The following FHIT variants were observed in gnomAD, a reference collection of about 807,000 sequenced individuals.
The protein encoded by FHIT is fragile histidine triad diadenosine triphosphatase.
In FHIT, 19 loss-of-function variants were observed where a neutral mutation model predicts 17.9. That is an observed-to-expected ratio of 1.06 (90% CI 0.74 to 1.56). The LOEUF (loss-of-function observed/expected upper bound fraction) is 1.56, where lower values mean the gene tolerates loss of function less well. Among genes scored for constraint, FHIT ranks in the 40% most tolerant of loss-of-function variants. The probability of loss-of-function intolerance (pLI) is 0.00; values close to 1 mark genes in which losing one functional copy is unlikely to be tolerated. For missense variants in FHIT, 248 were observed against 189.2 expected (o/e 1.31, Z -1.82); for synonymous variants, 81 against 69.7 (o/e 1.16, Z -0.81).
At chr3:60,745,491 T>C (rs2042337814) in intron 4 of FHIT, among the ~76,000 whole-genome samples, 1 of 152,192 alleles carries the variant, frequency 6.6e-6, no homozygotes, top group Non-Finnish European at 1.5e-5. Context: ...TATTTAAAGA[T>C]GTTTAAGCAG....
intron 4 of FHIT, among the ~76,000 whole-genome samples, chr3:60,579,311 A>G (rs1194723558): frequency 1.3e-5 from 2 of 152,212 alleles, no homozygotes; most frequent in South Asian, 2.1e-4. Flanking sequence ...AATACTGTAG[A>G]TAACTGTAAC....
At chr3:61,181,655 A>C (rs2038347247) in intron 2 of FHIT, among the ~76,000 whole-genome samples, 1 of 152,138 alleles carries the variant, frequency 6.6e-6, no homozygotes, top group African/African-American at 2.4e-5. Context: ...AAGACCAAAA[A>C]AATCTACCAT....
chr3:59,818,833 G>A (rs1229398837), intron 8 of FHIT, among the ~76,000 whole-genome samples: 1 of 152,142 alleles, frequency 6.6e-6, no homozygotes, highest in Non-Finnish European at 1.5e-5. Flanking sequence ...TCTTCCCCAA[G>A]GCAAAGGCAC....
chr3:61,161,219 T>C (rs1203413536), intron 2 of FHIT, among the ~76,000 whole-genome samples: 3 of 151,962 alleles, frequency 2.0e-5, no homozygotes, highest in Non-Finnish European at 4.4e-5. Context: ...TTTTTTTTTT[T>C]TTAGATGGAG....
intron 5 of FHIT, among the ~76,000 whole-genome samples, chr3:60,257,191 C>T (rs1315500709): frequency 6.6e-6 from 1 of 152,176 alleles, no homozygotes; most frequent in Admixed American, 6.5e-5. Flanking sequence ...ATCTTTAACA[C>T]AGGTTCATTT....
Position 59,857,582 on chromosome 3 carries a change from C to T in FHIT, c.348+64764G>A, listed in dbSNP as rs138783173. Among the ~76,000 whole-genome samples, 795 of 152,056 alleles carry T rather than the reference C, an allele frequency of 5.2e-3. 4 individuals carry two copies. Among genetic ancestry groups the T allele is most frequent in the Non-Finnish European group, 7.1e-3 (485 of 68,008 alleles). On this transcript the variant is annotated intron_variant, in intron 8 of 9. Transcript: ENST00000492590. ...TCTTTCCCTAGAGAAACTTACATAT[C>T]GATTAGACAGGGAGGCCTAACAAAG... is the stretch of plus-strand genomic sequence containing the variant.
chr3:60,340,372 GAAGT>G (rs1004459663), intron 5 of FHIT, among the ~76,000 whole-genome samples: 2 of 152,160 alleles, frequency 1.3e-5, no homozygotes, highest in Non-Finnish European at 1.5e-5. Flanking sequence ...AACCGAATTA[GAAGT>G]AAGTGGTACA....
chr3:60,422,195 G>T (rs375628448), intron 5 of FHIT, among the ~76,000 whole-genome samples: 1 of 152,058 alleles, frequency 6.6e-6, no homozygotes, highest in East Asian at 1.9e-4. Context: ...TTGCTTTATC[G>T]TATGTCCCAA....
intron 1 of FHIT, among the ~76,000 whole-genome samples, chr3:61,205,270 C>T (rs1307444856): frequency 3.3e-5 from 5 of 151,936 alleles, no homozygotes; most frequent in African/African-American, 4.8e-5. Context: ...TGAATAGTGC[C>T]ACAATAAACA....
intron 5 of FHIT, among the ~76,000 whole-genome samples, chr3:60,180,362 CAT>C (rs1204779731): frequency 6.6e-6 from 1 of 152,158 alleles, no homozygotes; most frequent in Non-Finnish European, 1.5e-5. Flanking sequence ...ATCATTAAAA[CAT>C]AACAGGATGG....
intron 7 of FHIT, among the ~76,000 whole-genome samples, chr3:59,983,155 C>A (rs932592589): frequency 1.4e-4 from 22 of 151,878 alleles, no homozygotes; most frequent in Non-Finnish European, 2.5e-4. Context: ...CCCAGGCTGG[C>A]CTCAAACTCC....
chr3:61,064,899 C>A (rs2034549368), intron 2 of FHIT, among the ~76,000 whole-genome samples: 2 of 152,182 alleles, frequency 1.3e-5, no homozygotes, highest in South Asian at 4.1e-4. Context: ...ACACTTCCAT[C>A]CAGCAAAGGT....
At chr3:60,185,030 C>T (rs577765375) in intron 5 of FHIT, among the ~76,000 whole-genome samples, 18 of 152,224 alleles carry the variant, frequency 1.2e-4, no homozygotes, top group Admixed American at 4.6e-4. Flanking sequence ...GCTCCAGGCT[C>T]ATCATGTATA....
chr3:60,282,595 T>C (rs1272558621), intron 5 of FHIT, among the ~76,000 whole-genome samples: 1 of 152,112 alleles, frequency 6.6e-6, no homozygotes, highest in Non-Finnish European at 1.5e-5. Flanking sequence ...GTGTCAATAT[T>C]GGTTCATTAA....
chr3:60,319,131 C>T (rs1046424274), intron 5 of FHIT, among the ~76,000 whole-genome samples: 2 of 152,162 alleles, frequency 1.3e-5, no homozygotes, highest in Non-Finnish European at 2.9e-5. Flanking sequence ...TGCAAAGTCC[C>T]TTTTGCCACA....
intron 5 of FHIT, among the ~76,000 whole-genome samples, chr3:60,061,490 C>T (rs1576005073): frequency 1.3e-5 from 2 of 152,140 alleles, no homozygotes; most frequent in South Asian, 4.1e-4. Flanking sequence ...TTTCACATTC[C>T]AAAATAAAAT....
At chr3:60,593,094 A>T (rs1307733144) in intron 4 of FHIT, among the ~76,000 whole-genome samples, 1 of 152,124 alleles carries the variant, frequency 6.6e-6, no homozygotes, top group Non-Finnish European at 1.5e-5. Flanking sequence ...TAGGGGGAAA[A>T]TGTGGGCTTT....
At chr3:61,185,629 C>A (rs373849973) in intron 2 of FHIT, among the ~76,000 whole-genome samples, 4 of 152,178 alleles carry the variant, frequency 2.6e-5, no homozygotes, top group Admixed American at 2.6e-4. Context: ...AGAGAACACA[C>A]TGCAGCAGGA....
chr3:59,792,000 G>T (rs2629880), intron 8 of FHIT, among the ~76,000 whole-genome samples: 32,391 of 79,210 alleles, frequency 0.41, 4,263 homozygotes, highest in Middle Eastern at 0.5. Flanking sequence ...GGCTATGGTA[G>T]TCTATGTCTT....
Sources: gnomAD v4.1 joint callset for allele counts (sites outside exome capture counted in the v4.1 genomes callset) on GRCh38, gnomAD v4.1.1 for gene constraint, MANE v1.5 for transcripts, NCBI Gene and HGNC (gene_info 2026-07-23, HGNC 2026-07-21) for gene names.